Variants in MACROD2 observed in about 807,000 individuals in gnomAD.
The protein encoded by MACROD2 is ADP-ribose glycohydrolase MACROD2.
Under a neutral mutation model 70.4 loss-of-function variants are expected in MACROD2, and 36 were observed. The observed-to-expected ratio is 0.51, with a 90% CI of 0.39 to 0.68. The LOEUF (loss-of-function observed/expected upper bound fraction) is 0.68, where lower values mean the gene tolerates loss of function less well. Ranked by LOEUF, MACROD2 falls within the 30% of genes least tolerant of loss-of-function variation. MACROD2 has a pLI of 0.00. For synonymous variants in MACROD2, 172 were observed against 178.8 expected (o/e 0.96, Z 0.30); for missense variants, 496 against 538.4 (o/e 0.92, Z 0.78).
At chr20:15,530,245 A>T (rs970008425) in intron 8 of MACROD2, among the ~76,000 whole-genome samples, 1 of 152,166 alleles carries the variant, frequency 6.6e-6, no homozygotes, top group African/African-American at 2.4e-5. Flanking sequence ...GGTTCATTTG[A>T]TGAAGGAGAC....
At chr20:15,312,559 T>C (rs903459730) in intron 6 of MACROD2, among the ~76,000 whole-genome samples, 1 of 152,202 alleles carries the variant, frequency 6.6e-6, no homozygotes, top group African/African-American at 2.4e-5. Context: ...AATAGAATTG[T>C]TTAAAGAAAT....
At chr20:14,230,669 C>CCATATATGTATATATATATATATA (rs1388842581) in intron 3 of MACROD2, among the ~76,000 whole-genome samples, 2 of 92,922 alleles carry the variant, frequency 2.2e-5, no homozygotes, top group Admixed American at 2.5e-4. Flanking sequence ...CAGGCTGGGC[C>CCATATATGTATATATATATATATA]TATATATATA....
chr20:14,541,231 ATATAT>A (rs1311885917), intron 4 of MACROD2, among the ~76,000 whole-genome samples: 1 of 152,182 alleles, frequency 6.6e-6, no homozygotes, highest in African/African-American at 2.4e-5. Context: ...GGGAGCACAC[ATATAT>A]TAATTTGCAT....
chr20:14,298,434 G>C lies in MACROD2; in HGVS notation c.272-195045G>C, dbSNP rs370438056. Among the ~76,000 whole-genome samples, 39 of 151,716 alleles carry C rather than the reference G, an allele frequency of 2.6e-4. 3 individuals carry two copies. The highest frequency in any genetic ancestry group is 8.7e-4 in the African/African-American group (36 of 41,158). Reference sequence around the variant, plus strand: ...AATACAAAAATTAGCTGGATGTGGTGGTGGGTGTCTGTAATCCTAGCTACT... The same window carrying C: ...AATACAAAAATTAGCTGGATGTGGTCGTGGGTGTCTGTAATCCTAGCTACT... On this transcript the variant is annotated intron_variant, in intron 3 of 17. Coordinates refer to ENST00000684519, the MANE Select transcript of MACROD2 (RefSeq NM_001351661.2).
intron 5 of MACROD2, among the ~76,000 whole-genome samples, chr20:14,991,726 G>A (rs1337568753): frequency 6.6e-6 from 1 of 152,226 alleles, no homozygotes; most frequent in Non-Finnish European, 1.5e-5. Context: ...GAAAGGGTAA[G>A]GGTGAAGCAA....
At chr20:15,841,338 G>A (rs556176150) in intron 8 of MACROD2, among the ~76,000 whole-genome samples, 5 of 152,172 alleles carry the variant, frequency 3.3e-5, no homozygotes, top group East Asian at 1.9e-4. Context: ...TTCTCACATC[G>A]CCATAAAGAA....
chr20:14,499,349 A>C lies in MACROD2; in HGVS notation c.301+5841A>C, dbSNP rs2084891233. On this transcript the variant is annotated intron_variant, in intron 4 of 17. Transcript: ENST00000684519. ...AGTTTGAGACCAGCTTGGGCAACAT[A>C]CTGACACCTCATCTCTACAAAAAAT... Among the ~76,000 whole-genome samples, 6 of 152,152 alleles carry C rather than the reference A, an allele frequency of 3.9e-5. No homozygotes were observed. In the South Asian group the frequency reaches 1.2e-3, roughly 32 times the overall value.
chr20:16,019,748 G>A (rs928576327), intron 15 of MACROD2, among the ~76,000 whole-genome samples: 2 of 152,188 alleles, frequency 1.3e-5, no homozygotes, highest in African/African-American at 2.4e-5. Flanking sequence ...GGCTGTGAGA[G>A]GATCCAGAAA....
chr20:15,770,188 G>GGCTAACACAGTGAAACCACGTCTCTACT (rs1555777403), intron 8 of MACROD2, among the ~76,000 whole-genome samples: 2 of 147,412 alleles, frequency 1.4e-5, no homozygotes, highest in Non-Finnish European at 3.0e-5. Context: ...TCGAACTCCT[G>GGCTAACACAGTGAAACCACGTCTCTACT]AGCTCAAGCA....
chr20:15,161,858 GT>G (rs2076350555), intron 5 of MACROD2, among the ~76,000 whole-genome samples: 1 of 151,984 alleles, frequency 6.6e-6, no homozygotes. Flanking sequence ...AAGAATCAAA[GT>G]CAAAATCAAA....
chr20:14,382,623 G>C (rs982076090), intron 3 of MACROD2, among the ~76,000 whole-genome samples: 1 of 151,908 alleles, frequency 6.6e-6, no homozygotes, highest in Non-Finnish European at 1.5e-5. Flanking sequence ...AGCTGAGATC[G>C]TGCCACTGCA....
intron 4 of MACROD2, among the ~76,000 whole-genome samples, chr20:14,544,133 T>G (rs1275683544): frequency 2.0e-5 from 3 of 152,154 alleles, no homozygotes; most frequent in Non-Finnish European, 4.4e-5. Context: ...GTTGATATAC[T>G]ATCCACTTTC....
chr20:14,922,268 C>T (rs2074173136), intron 5 of MACROD2, among the ~76,000 whole-genome samples: 1 of 152,116 alleles, frequency 6.6e-6, no homozygotes, highest in Non-Finnish European at 1.5e-5. Context: ...GATCTTCTGT[C>T]TTTAGATGTA....
Position 14,532,173 on chromosome 20 carries a change from C to T in MACROD2, c.301+38665C>T, listed in dbSNP as rs183156295. Among the ~76,000 whole-genome samples the T allele has an allele frequency of 1.8e-3, 268 of 151,252 alleles. 4 individuals are homozygous for T. The highest frequency in any genetic ancestry group is 4.3e-4 in the Non-Finnish European group (29 of 67,864). ...TTTTAGTACCCATGTTTCTTAGAAA[C>T]GTAGCCTTCACATTTTGTGCACAAA... On this transcript the variant is annotated intron_variant, in intron 4 of 17. Coordinates refer to ENST00000684519, the MANE Select transcript of MACROD2 (RefSeq NM_001351661.2).
chr20:15,549,832 A>G (rs961519617), intron 8 of MACROD2, among the ~76,000 whole-genome samples: 1 of 151,410 alleles, frequency 6.6e-6, no homozygotes, highest in Non-Finnish European at 1.5e-5. Flanking sequence ...TTGTCTGTGC[A>G]TTTTCTATCT....
At chr20:15,360,217 T>G (rs2078335700) in intron 6 of MACROD2, among the ~76,000 whole-genome samples, 1 of 152,204 alleles carries the variant, frequency 6.6e-6, no homozygotes, top group African/African-American at 2.4e-5. Context: ...TGGTAGTCAA[T>G]AGTATGGGCA....
chr20:15,789,200 A>G (rs1208320922), intron 8 of MACROD2, among the ~76,000 whole-genome samples: 1 of 152,180 alleles, frequency 6.6e-6, no homozygotes, highest in African/African-American at 2.4e-5. Flanking sequence ...ATGAGCCCTT[A>G]AAATGACAAA....
intron 5 of MACROD2, among the ~76,000 whole-genome samples, chr20:14,967,631 AT>A (rs1465896121): frequency 1.3e-5 from 2 of 152,098 alleles, no homozygotes; most frequent in African/African-American, 4.8e-5. Context: ...CTTAAATGTA[AT>A]TTTTTAAATG....
At chr20:14,356,379 G>T (rs1347649471) in intron 3 of MACROD2, among the ~76,000 whole-genome samples, 1 of 151,800 alleles carries the variant, frequency 6.6e-6, no homozygotes, top group East Asian at 1.9e-4. Flanking sequence ...CCCAAAATTG[G>T]TGCCCTAAAA....
Sources: allele counts gnomAD v4.1 joint callset (sites outside exome capture counted in the v4.1 genomes callset), GRCh38; gene constraint gnomAD v4.1.1; transcripts MANE v1.5; gene names NCBI Gene and HGNC (gene_info 2026-07-23, HGNC 2026-07-21).